FHIT: variants seen among roughly 807,000 people sequenced by gnomAD.
FHIT encodes the protein fragile histidine triad diadenosine triphosphatase, also known as bis(5'-adenosyl)-triphosphatase.
Under a neutral mutation model 17.9 loss-of-function variants are expected in FHIT, and 19 were observed. The ratio of observed to expected loss-of-function variants is 1.06; its 90% CI spans 0.74 to 1.56. The LOEUF (loss-of-function observed/expected upper bound fraction) is 1.56, where lower values mean the gene tolerates loss of function less well. Among genes scored for constraint, FHIT ranks in the 40% most tolerant of loss-of-function variants. FHIT has a pLI of 0.00. For synonymous variants in FHIT, 81 were observed against 69.7 expected (o/e 1.16, Z -0.81); for missense variants, 248 against 189.2 (o/e 1.31, Z -1.82).
rs555301196 is a variant in FHIT at position 60,595,325 on chromosome 3, T to C, written c.-17-58346A>G. 4.0e-5 allele frequency among the ~76,000 whole-genome samples: 6 copies of C among 149,954 alleles called. No homozygotes were observed. In the South Asian group the frequency reaches 1.1e-3, roughly 26 times the overall value. ...AAATTAGGGGAAAGCGAAACATCAG[T>C]AGGCAGAAGGCAATTGTACAGGATT... On this transcript the variant is annotated intron_variant, in intron 4 of 9. Transcript: ENST00000492590.
At chr3:60,220,084 AT>A (rs1346682031) in intron 5 of FHIT, among the ~76,000 whole-genome samples, 1 of 152,162 alleles carries the variant, frequency 6.6e-6, no homozygotes, top group Admixed American at 6.5e-5. Context: ...CTAAACATGA[AT>A]TTTAGATCTA....
At chr3:59,975,557 C>T (rs143234464) in intron 7 of FHIT, among the ~76,000 whole-genome samples, 1 of 152,042 alleles carries the variant, frequency 6.6e-6, no homozygotes, top group East Asian at 1.9e-4. Context: ...TTATCATTCT[C>T]TTTCTACAAT....
intron 2 of FHIT, among the ~76,000 whole-genome samples, chr3:61,161,006 C>G (rs1232963745): frequency 6.6e-6 from 1 of 152,002 alleles, no homozygotes; most frequent in Non-Finnish European, 1.5e-5. Context: ...AGAAATTGTT[C>G]ATAAATATTA....
intron 8 of FHIT, among the ~76,000 whole-genome samples, chr3:59,760,028 T>C (rs1701427151): frequency 6.6e-6 from 1 of 152,364 alleles, no homozygotes; most frequent in East Asian, 1.9e-4. Context: ...CAGGTCCTTC[T>C]ACTTACTGTG....
chr3:59,866,213 C>A (rs1702642346), intron 8 of FHIT, among the ~76,000 whole-genome samples: 1 of 151,850 alleles, frequency 6.6e-6, no homozygotes. Context: ...TGAGCTGAGT[C>A]ATGAATAAGC....
At position 60,196,858 on chromosome 3, in the gene FHIT, G is replaced by C. The variant is rs369971244; in HGVS notation, c.104-182706C>G. On this transcript the variant is annotated intron_variant, in intron 5 of 9. Coordinates refer to ENST00000492590, the MANE Select transcript of FHIT (RefSeq NM_002012.4). ...AAAAAAATCAAGCAGGATTATATTA[G>C]TCTCATTTCTTATACTTTGCTATGC... is the stretch of plus-strand genomic sequence containing the variant. Among the ~76,000 whole-genome samples the C allele has an allele frequency of 5.3e-5, 8 of 151,518 alleles. 1 individual carries two copies. The highest frequency in any genetic ancestry group is 1.9e-4 in the African/African-American group (8 of 41,322).
At chr3:60,031,798 G>T (rs1336575802) in intron 5 of FHIT, among the ~76,000 whole-genome samples, 1 of 152,068 alleles carries the variant, frequency 6.6e-6, no homozygotes, top group African/African-American at 2.4e-5. Context: ...TGGATAAAAG[G>T]AAGGAAACAC....
At chr3:59,791,234 C>T (rs1699543117) in intron 8 of FHIT, among the ~76,000 whole-genome samples, 1 of 152,156 alleles carries the variant, frequency 6.6e-6, no homozygotes, top group Non-Finnish European at 1.5e-5. Flanking sequence ...ATCCTTCTGG[C>T]CATGGTTATT....
At chr3:59,761,851 C>T (rs1490784069) in intron 8 of FHIT, among the ~76,000 whole-genome samples, 1 of 152,154 alleles carries the variant, frequency 6.6e-6, no homozygotes, top group Non-Finnish European at 1.5e-5. Flanking sequence ...CCGCCTCGGC[C>T]TCCCAAAGTT....
chr3:60,984,772 A>C (rs1710647060), intron 3 of FHIT, among the ~76,000 whole-genome samples: 1 of 133,628 alleles, frequency 7.5e-6, no homozygotes, highest in Non-Finnish European at 1.6e-5. Flanking sequence ...TAAAGGGTAT[A>C]GTTTCATGAA....
intron 4 of FHIT, among the ~76,000 whole-genome samples, chr3:60,663,107 A>C: frequency 9.3e-6 from 1 of 107,660 alleles, no homozygotes; most frequent in African/African-American, 3.4e-5. Context: ...TGCCAAAACC[A>C]TGTTGGTTTG....
At chr3:60,248,975 TAC>T (rs1241922622) in intron 5 of FHIT, among the ~76,000 whole-genome samples, 1 of 152,200 alleles carries the variant, frequency 6.6e-6, no homozygotes, top group Admixed American at 6.5e-5. Context: ...TTAGCCTGCC[TAC>T]AGAGTTCACT....
intron 4 of FHIT, among the ~76,000 whole-genome samples, chr3:60,624,179 A>G (rs1553679912): frequency 6.6e-6 from 1 of 152,214 alleles, no homozygotes; most frequent in African/African-American, 2.4e-5. Flanking sequence ...AAAAGCCAGT[A>G]GGACGTATGC....
chr3:60,013,608 T>C (rs1277504074), intron 6 of FHIT, among the ~76,000 whole-genome samples: 1 of 152,124 alleles, frequency 6.6e-6, no homozygotes, highest in Non-Finnish European at 1.5e-5. Flanking sequence ...AGACAAAAGG[T>C]AAGGCCCAAC....
chr3:60,474,603 T>C (rs917171493), intron 5 of FHIT, among the ~76,000 whole-genome samples: 1 of 152,086 alleles, frequency 6.6e-6, no homozygotes, highest in Non-Finnish European at 1.5e-5. Context: ...TTTTCACAAA[T>C]GTATTATTTT....
chr3:59,833,077 C>A (rs1303913775), intron 8 of FHIT, among the ~76,000 whole-genome samples: 1 of 152,094 alleles, frequency 6.6e-6, no homozygotes, highest in African/African-American at 2.4e-5. Flanking sequence ...TGAGCACAAG[C>A]ATATATGACA....
intron 2 of FHIT, among the ~76,000 whole-genome samples, chr3:61,084,405 T>G (rs1469777015): frequency 6.6e-6 from 1 of 152,238 alleles, no homozygotes; most frequent in Admixed American, 6.5e-5. Context: ...ATCTTGCCTA[T>G]TCTTTGCCTT....
At chr3:59,913,618 T>A (rs1704989564) in intron 8 of FHIT, among the ~76,000 whole-genome samples, 1 of 152,148 alleles carries the variant, frequency 6.6e-6, no homozygotes, top group African/African-American at 2.4e-5. Flanking sequence ...CTAGTCTCAG[T>A]GTATTCTCAA....
At chr3:60,740,167 T>C (rs1415028375) in intron 4 of FHIT, among the ~76,000 whole-genome samples, 1 of 152,228 alleles carries the variant, frequency 6.6e-6, no homozygotes, top group Non-Finnish European at 1.5e-5. Flanking sequence ...AGATGTTTGC[T>C]GCAGTTGTTT....
Sources: allele counts gnomAD v4.1 joint callset (sites outside exome capture counted in the v4.1 genomes callset), GRCh38; gene constraint gnomAD v4.1.1; transcripts MANE v1.5; gene names NCBI Gene and HGNC (gene_info 2026-07-23, HGNC 2026-07-21).